Variants in KLHL1 observed in about 807,000 individuals in gnomAD.
KLHL1 encodes the protein kelch like family member 1, also known as kelch-like protein 1.
A neutral mutation model predicts 77.7 loss-of-function variants in KLHL1; 47 were observed. The ratio of observed to expected loss-of-function variants is 0.60; its 90% CI spans 0.48 to 0.77. The LOEUF is 0.77. Among genes scored for constraint, KLHL1 ranks in the 30% least tolerant of loss-of-function variants. The pLI is 0.00. For missense variants in KLHL1, 925 were observed against 910.8 expected (o/e 1.02, Z -0.20); for synonymous variants, 360 against 325.2 (o/e 1.11, Z -1.15).
intron 1 of KLHL1, among the ~76,000 whole-genome samples, chr13:70,078,674 A>G (rs1279364526): frequency 6.6e-6 from 1 of 152,176 alleles, no homozygotes; most frequent in Non-Finnish European, 1.5e-5. Flanking sequence ...ATGTAGGTCC[A>G]GCTGATCTTT....
At chr13:70,017,663 C>T (rs907108796) in intron 1 of KLHL1, among the ~76,000 whole-genome samples, 10 of 152,194 alleles carry the variant, frequency 6.6e-5, no homozygotes, top group East Asian at 3.9e-4. Flanking sequence ...ATACTCAGAC[C>T]GAAGGTGCAT....
At chr13:69,834,982 G>T (rs116826845) in intron 6 of KLHL1, among the ~76,000 whole-genome samples, 1,868 of 152,148 alleles carry the variant, frequency 0.012, 41 homozygotes, top group African/African-American at 0.042. Context: ...GGGATTATTT[G>T]CATTTTAGAG....
At chr13:69,891,982 A>G (rs1365988325) in intron 4 of KLHL1, among the ~76,000 whole-genome samples, 1 of 152,118 alleles carries the variant, frequency 6.6e-6, no homozygotes, top group East Asian at 1.9e-4. Flanking sequence ...AATTTCTCAA[A>G]TATGTTAATT....
intron 1 of KLHL1, among the ~76,000 whole-genome samples, chr13:69,977,054 T>G (rs183404777): frequency 1.3e-5 from 2 of 152,224 alleles, no homozygotes; most frequent in East Asian, 3.9e-4. Flanking sequence ...TTCATTAAGC[T>G]GAACTTTTAA....
At chr13:69,943,365 G>C (rs1883424141) in intron 3 of KLHL1, among the ~76,000 whole-genome samples, 1 of 151,952 alleles carries the variant, frequency 6.6e-6, no homozygotes, top group Non-Finnish European at 1.5e-5. Context: ...CTGAAAGTAA[G>C]ACAGTAAAGA....
rs537002134 is a variant in KLHL1 at position 69,886,556 on chromosome 13, T to C, written c.1015-4061A>G. On this transcript the variant is annotated intron_variant, in intron 4 of 10. Transcript: ENST00000377844. ...TATAAATTTTTATATGAAAATTAGC[T>C]GAAACCTAATGGTAATATTGTATCA... 2.6e-5 allele frequency among the ~76,000 whole-genome samples: 4 copies of C among 152,030 alleles called. No individual in the cohort carries two copies. The South Asian group carries it at 8.3e-4, about 31-fold the overall frequency.
intron 4 of KLHL1, among the ~76,000 whole-genome samples, chr13:69,905,470 C>A (rs769014872): frequency 1.3e-5 from 2 of 151,986 alleles, no homozygotes; most frequent in Non-Finnish European, 2.9e-5. Flanking sequence ...ATGACAATTG[C>A]CCCTTTTCAT....
intron 4 of KLHL1, among the ~76,000 whole-genome samples, chr13:69,924,611 T>C (rs1166612009): frequency 1.3e-5 from 2 of 152,150 alleles, no homozygotes; most frequent in Non-Finnish European, 2.9e-5. Flanking sequence ...CATACCTCCT[T>C]CTTCCTGGGC....
At chr13:69,927,922 T>C (rs976014152) in intron 4 of KLHL1, among the ~76,000 whole-genome samples, 3 of 152,118 alleles carry the variant, frequency 2.0e-5, no homozygotes, top group Admixed American at 6.6e-5. Context: ...GTTCACACAA[T>C]AACTTGTATA....
intron 1 of KLHL1, among the ~76,000 whole-genome samples, chr13:70,046,533 G>T (rs916513087): frequency 2.8e-4 from 43 of 152,132 alleles, no homozygotes; most frequent in African/African-American, 1.0e-3. Context: ...TGTTGCCCAG[G>T]CTGGAGTGCA....
intron 1 of KLHL1, among the ~76,000 whole-genome samples, chr13:70,020,148 T>C (rs1885753040): frequency 6.6e-6 from 1 of 152,138 alleles, no homozygotes; most frequent in African/African-American, 2.4e-5. Flanking sequence ...TTTTCTGTTA[T>C]AGCAGCACAA....
Position 69,818,489 on chromosome 13 carries a change from G to C in KLHL1, c.1414+20487C>G, listed in dbSNP as rs564172659. 2.7e-4 allele frequency among the ~76,000 whole-genome samples: 41 copies of C among 152,124 alleles called. 2 individuals carry two copies. In the Middle Eastern group the frequency reaches 0.02, roughly 76 times the overall value. On this transcript the variant is annotated intron_variant, in intron 6 of 10. Coordinates refer to ENST00000377844, the MANE Select transcript of KLHL1 (RefSeq NM_020866.3). Reference sequence around the variant, plus strand: ...CCACCTCGGCCTCCCAAAGTGCTGGGATTACAGGCATGAGCCACCACGCCC... The same window carrying C: ...CCACCTCGGCCTCCCAAAGTGCTGGCATTACAGGCATGAGCCACCACGCCC...
At chr13:69,874,520 T>C (rs1184123163) in intron 5 of KLHL1, among the ~76,000 whole-genome samples, 5 of 152,176 alleles carry the variant, frequency 3.3e-5, no homozygotes, top group Non-Finnish European at 4.4e-5. Flanking sequence ...ATGATTTAAA[T>C]GGCCTTTGCT....
At chr13:69,861,785 T>TAAAAAAAA (rs34408474) in intron 5 of KLHL1, among the ~76,000 whole-genome samples, 90 of 85,872 alleles carry the variant, frequency 1.0e-3, no homozygotes, top group South Asian at 1.7e-3. Context: ...CCGTCTCTAC[T>TAAAAAAAA]AAAAAAAAAA....
At chr13:69,921,638 T>C (rs1241235623) in intron 4 of KLHL1, among the ~76,000 whole-genome samples, 1 of 152,164 alleles carries the variant, frequency 6.6e-6, no homozygotes, top group Non-Finnish European at 1.5e-5. Flanking sequence ...GGAAGTTTAT[T>C]CCTCTGTTTC....
intron 1 of KLHL1, among the ~76,000 whole-genome samples, chr13:70,024,772 A>G (rs1023843572): frequency 2.0e-5 from 3 of 151,868 alleles, no homozygotes; most frequent in Admixed American, 6.6e-5. Flanking sequence ...ATTGTTATAC[A>G]GATCAAATTT....
At chr13:69,941,934 A>T (rs974401599) in intron 3 of KLHL1, among the ~76,000 whole-genome samples, 3 of 151,978 alleles carry the variant, frequency 2.0e-5, no homozygotes, top group Non-Finnish European at 4.4e-5. Flanking sequence ...AACTCTGAAC[A>T]ATCAAGTACT....
At chr13:69,941,202 A>G (rs561252842) in intron 3 of KLHL1, among the ~76,000 whole-genome samples, 1 of 152,154 alleles carries the variant, frequency 6.6e-6, no homozygotes, top group East Asian at 1.9e-4. Flanking sequence ...AAGATAGACC[A>G]GGAACAAGTC....
chr13:69,968,045 G>C (rs1051150678), intron 2 of KLHL1, among the ~76,000 whole-genome samples: 1 of 152,008 alleles, frequency 6.6e-6, no homozygotes, highest in Non-Finnish European at 1.5e-5. Context: ...TAAAAAAATT[G>C]TGAAAGGAGA....
Sources: allele counts gnomAD v4.1 joint callset (sites outside exome capture counted in the v4.1 genomes callset), GRCh38; gene constraint gnomAD v4.1.1; transcripts MANE v1.5; gene names NCBI Gene and HGNC (gene_info 2026-07-23, HGNC 2026-07-21).